Variants in SYT1 observed in about 807,000 individuals in gnomAD.
The protein encoded by SYT1 is synaptotagmin 1.
A neutral mutation model predicts 44.8 loss-of-function variants in SYT1; 8 were observed. The ratio of observed to expected loss-of-function variants is 0.18; its 90% CI spans 0.10 to 0.32. The LOEUF (loss-of-function observed/expected upper bound fraction) is 0.32, where lower values mean the gene tolerates loss of function less well. SYT1 is among the 10% of genes least tolerant of loss of function. The pLI is 1.00. For synonymous variants in SYT1, 154 were observed against 188.8 expected, an observed-to-expected ratio of 0.82 and a Z score of 1.51; for missense variants, 286 against 509.3, an observed-to-expected ratio of 0.56 and a Z score of 4.22.
intron 3 of SYT1, among the ~76,000 whole-genome samples, chr12:79,191,066 G>A (rs923566013): frequency 6.7e-6 from 1 of 148,586 alleles, no homozygotes; most frequent in Non-Finnish European, 1.5e-5. Context: ...TATATTACTG[G>A]CTAGTAATTT....
intron 1 of SYT1, among the ~76,000 whole-genome samples, chr12:78,969,483 T>G (rs1317771026): frequency 6.6e-6 from 1 of 152,170 alleles, no homozygotes; most frequent in African/African-American, 2.4e-5. Context: ...GCTTCAGGAA[T>G]GACCAATGTG....
intron 4 of SYT1, among the ~76,000 whole-genome samples, chr12:79,237,574 G>T (rs945888988): frequency 3.3e-5 from 5 of 152,128 alleles, no homozygotes; most frequent in South Asian, 2.1e-4. Flanking sequence ...GTTTTTTAAA[G>T]TACTGCTTAA....
intron 1 of SYT1, among the ~76,000 whole-genome samples, chr12:78,926,974 G>T (rs1357553777): frequency 6.6e-6 from 1 of 152,196 alleles, no homozygotes; most frequent in African/African-American, 2.4e-5. Flanking sequence ...TATATCCAGA[G>T]ATATTAATAG....
intron 1 of SYT1, among the ~76,000 whole-genome samples, chr12:78,873,035 G>C (rs1305471888): frequency 5.9e-5 from 9 of 151,624 alleles, no homozygotes; most frequent in Non-Finnish European, 3.0e-5. Flanking sequence ...CCATTGCAAT[G>C]GTAACAAGTT....
At chr12:79,444,787 T>G (rs749283856) in intron 10 of SYT1, among the ~76,000 whole-genome samples, 2 of 152,136 alleles carry the variant, frequency 1.3e-5, no homozygotes, top group Non-Finnish European at 2.9e-5. Flanking sequence ...AAGGGAAATA[T>G]TCTATTAAAT....
intron 9 of SYT1, among the ~76,000 whole-genome samples, chr12:79,391,964 T>C (rs1180822139): frequency 2.6e-5 from 1 of 37,786 alleles, no homozygotes; most frequent in African/African-American, 3.4e-5. Flanking sequence ...AGGTGTCCAA[T>C]TCATATTGTA....
At chr12:79,280,755 C>A (rs923482904) in intron 4 of SYT1, among the ~76,000 whole-genome samples, 4 of 151,680 alleles carry the variant, frequency 2.6e-5, no homozygotes, top group African/African-American at 9.7e-5. Context: ...AACTATACAT[C>A]CAACAAACGG....
chr12:78,955,641 C>T (rs1466459744), intron 1 of SYT1: 2 of 152,062 alleles, frequency 1.3e-5, no homozygotes, highest in Non-Finnish European at 2.9e-5. Flanking sequence ...CAAAGGCCCA[C>T]CTCTTAATGC....
At chr12:79,092,542 G>T (rs1877849628) in intron 3 of SYT1, among the ~76,000 whole-genome samples, 1 of 150,540 alleles carries the variant, frequency 6.6e-6, no homozygotes. Flanking sequence ...AAACATGAAA[G>T]AATAAGCCAT....
At chr12:79,117,000 G>A (rs1204070632) in intron 3 of SYT1, among the ~76,000 whole-genome samples, 1 of 152,158 alleles carries the variant, frequency 6.6e-6, no homozygotes, top group Admixed American at 6.5e-5. Flanking sequence ...TAAAATTAAT[G>A]AGGAAGCCAT....
At chr12:79,151,134 G>A (rs1008825211) in intron 3 of SYT1, among the ~76,000 whole-genome samples, 1 of 152,108 alleles carries the variant, frequency 6.6e-6, no homozygotes, top group Admixed American at 6.6e-5. Flanking sequence ...GGGAAGATGG[G>A]GTGATAAACC....
intron 1 of SYT1, among the ~76,000 whole-genome samples, chr12:78,928,920 T>C (rs559056971): frequency 7.2e-4 from 109 of 152,224 alleles, no homozygotes; most frequent in Non-Finnish European, 1.2e-3. Context: ...TCATATTCCA[T>C]TGGGAATAAT....
chr12:79,178,146 A>G (rs929381277), intron 3 of SYT1, among the ~76,000 whole-genome samples: 1 of 152,066 alleles, frequency 6.6e-6, no homozygotes, highest in Non-Finnish European at 1.5e-5. Context: ...GATACCTTCT[A>G]CCCAGTGTTT....
At chr12:79,179,455 TA>T (rs371357079) in intron 3 of SYT1, among the ~76,000 whole-genome samples, 34 of 3,380 alleles carry the variant, frequency 0.01, no homozygotes, top group African/African-American at 0.022. Flanking sequence ...GATATAGATA[TA>T]ATCTATATAG....
chr12:78,971,531 C>A (rs939947045), intron 1 of SYT1, among the ~76,000 whole-genome samples: 15 of 152,048 alleles, frequency 9.9e-5, no homozygotes, highest in Admixed American at 3.3e-4. Flanking sequence ...GAACAATTCA[C>A]AAAGAAAAAT....
intron 3 of SYT1, among the ~76,000 whole-genome samples, chr12:79,136,552 A>C (rs1277304926): frequency 6.6e-6 from 1 of 152,220 alleles, no homozygotes; most frequent in Non-Finnish European, 1.5e-5. Flanking sequence ...TATTACTATT[A>C]TACTATTTTC....
chr12:79,203,663 G>A (rs991039145), intron 3 of SYT1, among the ~76,000 whole-genome samples: 3 of 152,148 alleles, frequency 2.0e-5, no homozygotes, highest in African/African-American at 7.2e-5. Flanking sequence ...TAAATTGAAA[G>A]GAAGGAATAG....
chr12:79,056,653 C>T (rs1874969397), intron 3 of SYT1, among the ~76,000 whole-genome samples: 1 of 152,080 alleles, frequency 6.6e-6, no homozygotes, highest in Non-Finnish European at 1.5e-5. Flanking sequence ...ACATCCCACA[C>T]ATTGTTATTA....
At chr12:79,342,617 T>A (rs1882429346) in intron 8 of SYT1, among the ~76,000 whole-genome samples, 2 of 152,202 alleles carry the variant, frequency 1.3e-5, no homozygotes, top group Non-Finnish European at 1.5e-5. Flanking sequence ...ATATGAGAGA[T>A]TATTTGATCA....
Sources: allele counts gnomAD v4.1 joint callset (sites outside exome capture counted in the v4.1 genomes callset), GRCh38; gene constraint gnomAD v4.1.1; transcripts MANE v1.5; gene names NCBI Gene and HGNC (gene_info 2026-07-23, HGNC 2026-07-21).